PPFIA2: variants seen among roughly 807,000 people sequenced by gnomAD.
PPFIA2 encodes liprin-alpha-2.
Under a neutral mutation model 175.5 loss-of-function variants are expected in PPFIA2, and 46 were observed. The ratio of observed to expected loss-of-function variants is 0.26; its 90% CI spans 0.21 to 0.34. The LOEUF is 0.34. Ranked by LOEUF, PPFIA2 falls within the 10% of genes least tolerant of loss-of-function variation. PPFIA2 has a pLI of 1.00. For missense variants in PPFIA2, 1,179 were observed against 1,506.1 expected, an observed-to-expected ratio of 0.78 and a Z score of 3.60; for synonymous variants, 568 against 511.4, an observed-to-expected ratio of 1.11 and a Z score of -1.49.
intron 22 of PPFIA2, among the ~76,000 whole-genome samples, chr12:81,321,069 G>C (rs1002088305): frequency 6.6e-6 from 1 of 151,854 alleles, no homozygotes; most frequent in African/African-American, 2.4e-5. Context: ...GAGAGAGAGA[G>C]AGAGGAAAAA....
chr12:81,553,627 G>A (rs2068324004), intron 4 of PPFIA2, among the ~76,000 whole-genome samples: 1 of 152,016 alleles, frequency 6.6e-6, no homozygotes, highest in African/African-American at 2.4e-5. Flanking sequence ...GAAGAGAGGA[G>A]CCATAGAGGA....
At chr12:81,644,317 C>T (rs2065763168) in intron 4 of PPFIA2, among the ~76,000 whole-genome samples, 1 of 151,920 alleles carries the variant, frequency 6.6e-6, no homozygotes, top group African/African-American at 2.4e-5. Context: ...GCTATCACAT[C>T]GCTGGTTATA....
At chr12:81,424,608 C>T (rs1176018235) in intron 7 of PPFIA2, among the ~76,000 whole-genome samples, 1 of 152,062 alleles carries the variant, frequency 6.6e-6, no homozygotes, top group East Asian at 1.9e-4. Flanking sequence ...AGCAATAGAA[C>T]TTTTGTATAT....
intron 4 of PPFIA2, among the ~76,000 whole-genome samples, chr12:81,503,561 A>G (rs2060822775): frequency 6.6e-6 from 1 of 152,046 alleles, no homozygotes. Context: ...AAAAAAAAAA[A>G]AAAAGTTTCA....
intron 4 of PPFIA2, among the ~76,000 whole-genome samples, chr12:81,642,683 C>CATAATGTATGTATA (rs1567686433): frequency 0.02 from 702 of 35,930 alleles, 225 homozygotes; most frequent in Middle Eastern, 0.083. Flanking sequence ...ATGTATGTAT[C>CATAATGTATGTATA]TATTATATAC....
chr12:81,581,627 T>C (rs1349603931), intron 4 of PPFIA2, among the ~76,000 whole-genome samples: 4 of 151,780 alleles, frequency 2.6e-5, no homozygotes, highest in African/African-American at 9.7e-5. Context: ...TTTATCCTAT[T>C]AGAATATAAG....
intron 7 of PPFIA2, among the ~76,000 whole-genome samples, chr12:81,432,997 CTT>C (rs1432563351): frequency 5.3e-5 from 8 of 150,552 alleles, no homozygotes; most frequent in Non-Finnish European, 1.2e-4. Flanking sequence ...AAAAACATAC[CTT>C]TAATGGTTTT....
chr12:81,339,220 A>G lies in PPFIA2; in HGVS notation c.2508T>C (p.Arg836=). Residue 836 remains arginine (R), a synonymous_variant, in exon 21 of 33, where the codon CGT becomes CGC. Transcript: ENST00000549396. ...GAGCTTTTTCTTTTTTACCAAACAAACGTCCTATTGAAGACTTGATTCCTT... is the reference window on the plus strand; with the variant it reads ...GAGCTTTTTCTTTTTTACCAAACAAGCGTCCTATTGAAGACTTGATTCCTT... ...KKKGIKSSIG[R]LFGKKEKARL... 1 of 1,606,752 alleles carries G rather than the reference A, an allele frequency of 6.2e-7. No homozygotes were observed. Among genetic ancestry groups the G allele is most frequent in the Non-Finnish European group, 8.5e-7 (1 of 1,176,520 alleles).
chr12:81,755,932 C>A lies in PPFIA2; in HGVS notation c.-2-1709G>T, dbSNP rs1226426867. Among the ~76,000 whole-genome samples the A allele has an allele frequency of 1.1e-4, 17 of 152,226 alleles. No homozygotes were observed. The East Asian group carries it at 2.5e-3, about 22-fold the overall frequency. On this transcript the variant is annotated intron_variant, in intron 2 of 32. Transcript: ENST00000549396. ...GGATAAAACTGTTTCTTGCATTTAT[C>A]TCAATTTGATTTTCATTCAAAGACT...
At position 81,451,079 on chromosome 12, in the gene PPFIA2, G is replaced by A. The variant is rs193244503; in HGVS notation, c.406-5359C>T. ...GACCTGTGACTAGTGGAGAAAAGAG[G>A]ATCATTCCTTTTTTGTTGACACACA... On this transcript the variant is annotated intron_variant, in intron 5 of 32. Transcript: ENST00000549396. 5.4e-4 allele frequency among the ~76,000 whole-genome samples: 82 copies of A among 151,976 alleles called. 1 individual carries two copies. The highest frequency in any genetic ancestry group is 1.9e-3 in the African/African-American group (80 of 41,442).
At chr12:81,296,558 A>T (rs1159041439) in intron 23 of PPFIA2, 1 of 152,190 alleles carries the variant, frequency 6.6e-6, no homozygotes, top group Non-Finnish European at 1.5e-5. Context: ...ACAACAAAAA[A>T]TTAGCAGCTT....
chr12:81,302,983 T>C (rs920709045), intron 22 of PPFIA2, among the ~76,000 whole-genome samples: 2 of 152,158 alleles, frequency 1.3e-5, no homozygotes, highest in African/African-American at 4.8e-5. Context: ...CTCATCAAGT[T>C]TTGGAGTTAC....
At chr12:81,264,771 A>G (rs974711372) in intron 30 of PPFIA2, among the ~76,000 whole-genome samples, 1 of 152,210 alleles carries the variant, frequency 6.6e-6, no homozygotes, top group African/African-American at 2.4e-5. Context: ...TTGCACATTA[A>G]GAGATGTCCG....
At chr12:81,573,253 A>G (rs756555487) in intron 4 of PPFIA2, among the ~76,000 whole-genome samples, 1 of 151,936 alleles carries the variant, frequency 6.6e-6, no homozygotes, top group Non-Finnish European at 1.5e-5. Context: ...GCACCACACA[A>G]AACAGTAGCA....
At chr12:81,338,435 A>T (rs891751279) in intron 21 of PPFIA2, among the ~76,000 whole-genome samples, 2 of 152,102 alleles carry the variant, frequency 1.3e-5, no homozygotes, top group Non-Finnish European at 2.9e-5. Context: ...ATTTCTAAAT[A>T]CATATTTAAG....
At chr12:81,339,468 T>G (rs2057685872) in intron 20 of PPFIA2, 134 bp from the exon 21 acceptor site, 3 of 721,258 alleles carry the variant, frequency 4.2e-6, no homozygotes, top group Non-Finnish European at 5.8e-6. Flanking sequence ...CCATGTTTCC[T>G]TTTAAGATAT....
intron 24 of PPFIA2, among the ~76,000 whole-genome samples, chr12:81,286,823 A>G (rs1284311855): frequency 6.6e-6 from 1 of 152,058 alleles, no homozygotes; most frequent in Non-Finnish European, 1.5e-5. Flanking sequence ...TTTGGAATTT[A>G]GAGTACAGAT....
intron 3 of PPFIA2, among the ~76,000 whole-genome samples, chr12:81,722,084 C>T (rs1423342135): frequency 6.6e-6 from 1 of 150,964 alleles, no homozygotes; most frequent in East Asian, 1.9e-4. Flanking sequence ...TCATAGGACA[C>T]TTTCCTCAGG....
intron 5 of PPFIA2, among the ~76,000 whole-genome samples, chr12:81,449,219 C>A (rs142670895): frequency 1.6e-4 from 24 of 152,206 alleles, no homozygotes; most frequent in African/African-American, 5.5e-4. Context: ...ATGGAGACAC[C>A]ACCATGGCTG....
Sources: allele counts gnomAD v4.1 joint callset (sites outside exome capture counted in the v4.1 genomes callset), GRCh38; gene constraint gnomAD v4.1.1; transcripts MANE v1.5; gene names NCBI Gene and HGNC (gene_info 2026-07-23, HGNC 2026-07-21).